WNK1: variants seen among roughly 807,000 people sequenced by gnomAD.
WNK1 encodes serine/threonine-protein kinase WNK1.
A neutral mutation model predicts 222.8 loss-of-function variants in WNK1; 38 were observed. The observed-to-expected ratio is 0.17, with a 90% CI of 0.13 to 0.22. WNK1 has a LOEUF of 0.22. Ranked by LOEUF, WNK1 falls within the 10% of genes least tolerant of loss-of-function variation. WNK1 has a pLI of 1.00. For synonymous variants in WNK1, 1,090 were observed against 1,092.9 expected, an observed-to-expected ratio of 1.00 and a Z score of 0.05; for missense variants, 2,348 against 2,918.4, an observed-to-expected ratio of 0.80 and a Z score of 4.50.
At chr12:805,423 A>G (rs1195950146) in intron 1 of WNK1, among the ~76,000 whole-genome samples, 1 of 152,224 alleles carries the variant, frequency 6.6e-6, no homozygotes, top group African/African-American at 2.4e-5. Flanking sequence ...TTGTTAAAAC[A>G]TTGTATGTGT....
chr12:808,692 G>A (rs1946612458), intron 1 of WNK1, among the ~76,000 whole-genome samples: 1 of 151,372 alleles, frequency 6.6e-6, no homozygotes, highest in African/African-American at 2.4e-5. Context: ...TGGGGATTAA[G>A]TGAAGGGTGC....
At chr12:848,496 CTTTT>C (rs10644583) in intron 4 of WNK1, among the ~76,000 whole-genome samples, 20 of 99,260 alleles carry the variant, frequency 2.0e-4, no homozygotes, top group South Asian at 3.8e-4. Context: ...CCAGTAAAAA[CTTTT>C]TTTTTTTTTT....
chr12:758,107 A>G (rs1201117852), intron 1 of WNK1, among the ~76,000 whole-genome samples: 1 of 146,078 alleles, frequency 6.8e-6, no homozygotes, highest in African/African-American at 2.4e-5. Flanking sequence ...GATTTATTTT[A>G]AGCACCTTCC....
intron 8 of WNK1, chr12:868,049 C>T: frequency 1.2e-6 from 2 of 1,614,016 alleles, no homozygotes; most frequent in Non-Finnish European, 8.5e-7. Context: ...CCACTTCCAA[C>T]CCCTGCTGAG....
chr12:883,278 C>CT (rs1235064665), intron 15 of WNK1, 117 bp from the exon 16 acceptor site: 9 of 1,267,904 alleles, frequency 7.1e-6, no homozygotes, highest in Non-Finnish European at 4.5e-6. Flanking sequence ...GAAGAGCTAA[C>CT]TTGAGTACAA....
rs786205473 is a variant in WNK1 at position 865,122 on chromosome 12, C to T, written c.2139+2852C>T. 3.2e-5 allele frequency: 49 copies of T among 1,519,106 alleles called. No individual in the cohort carries two copies. The highest frequency in any genetic ancestry group is 3.4e-4 in the Middle Eastern group (2 of 5,938). The allele number at this position is 1,519,106 out of a possible 1,614,324, so 94.1% of individuals were successfully genotyped here. ...GTTTTGTGTTGAGCCTCGTCGTGGC[C>T]GTAGCATGTCGGTTTGTGTTCCCAT... On this transcript the variant is annotated intron_variant, in intron 8 of 27. Transcript: ENST00000315939.
Position 911,171 on chromosome 12 carries a change from T to C in WNK1, c.*2379T>C. The C allele has an allele frequency of 2.5e-6, 1 of 397,410 alleles. No homozygotes were observed. The highest frequency in any genetic ancestry group is 4.4e-6 in the Non-Finnish European group (1 of 225,716). 24.6% of individuals were successfully genotyped at this position (397,410 alleles called of 1,614,324 possible). ...GGAATGAACTAGTGCTACTGAACTG[T>C]TTAAATTATTTTTGTGTTAATAGTA... On this transcript the variant is annotated 3_prime_UTR_variant, in exon 28 of 28. Transcript: ENST00000315939.
chr12:845,567 C>A (rs1337195487), intron 4 of WNK1, among the ~76,000 whole-genome samples: 1 of 152,190 alleles, frequency 6.6e-6, no homozygotes, highest in Non-Finnish European at 1.5e-5. Flanking sequence ...GGATCTGCTT[C>A]CTTTCAAATT....
At chr12:756,754 A>G (rs1940100170) in intron 1 of WNK1, among the ~76,000 whole-genome samples, 1 of 152,222 alleles carries the variant, frequency 6.6e-6, no homozygotes. Context: ...TTAAAGGACA[A>G]GCCAAGGGAT....
At chr12:760,052 AGGTATTGATCTTTATGTTACT>A (rs1338556591) in intron 1 of WNK1, among the ~76,000 whole-genome samples, 4 of 147,992 alleles carry the variant, frequency 2.7e-5, no homozygotes, top group African/African-American at 9.7e-5. Flanking sequence ...GGAGGAAAGC[AGGTATTGATCTTTATGTTACT>A]GGTGCTTTTA....
chr12:798,153 T>C (rs1945507416), intron 1 of WNK1, among the ~76,000 whole-genome samples: 1 of 151,994 alleles, frequency 6.6e-6, no homozygotes, highest in African/African-American at 2.4e-5. Flanking sequence ...GGTTTTCCTG[T>C]CATTTCAAAT....
rs564087727 is a variant in WNK1 at position 906,404 on chromosome 12, C to T, written c.6644-1443C>T. On this transcript the variant is annotated intron_variant, in intron 26 of 27. Coordinates refer to ENST00000315939, the MANE Select transcript of WNK1 (RefSeq NM_018979.4). The stretch of plus-strand genomic sequence containing the variant: ...AGAAATAGAGTTCCTTCATCATAAC[C>T]GCAAAGCTTCCTCCTCCCCTTTGCA... The T allele has an allele frequency of 8.6e-5, 85 of 985,288 alleles. No individual in the cohort carries two copies. The South Asian group carries it at 2.1e-3, about 25-fold the overall frequency. The allele number at this position is 985,288 out of a possible 1,614,324, so 61.0% of individuals were successfully genotyped here. A position where few individuals can be genotyped will look rare whatever the true frequency, so the allele number is the denominator to read the frequency against.
intron 1 of WNK1, among the ~76,000 whole-genome samples, chr12:780,943 T>C (rs965079313): frequency 6.6e-6 from 1 of 152,230 alleles, no homozygotes; most frequent in Admixed American, 6.5e-5. Context: ...AGTAGTTTGC[T>C]ATAGACAGAC....
At chr12:851,474 CT>C in intron 4 of WNK1, 2 of 1,146,174 alleles carry the variant, frequency 1.7e-6, no homozygotes, top group African/African-American at 3.2e-5. Flanking sequence ...AGTTTTCCTG[CT>C]GTTGGGCATG....
intron 4 of WNK1, among the ~76,000 whole-genome samples, chr12:830,893 C>T (rs1479933215): frequency 6.6e-6 from 1 of 152,194 alleles, no homozygotes; most frequent in Non-Finnish European, 1.5e-5. Flanking sequence ...TCAAAATAGG[C>T]TCCATCAAGG....
intron 4 of WNK1, among the ~76,000 whole-genome samples, chr12:846,188 A>G (rs1950011936): frequency 6.6e-6 from 1 of 152,176 alleles, no homozygotes; most frequent in African/African-American, 2.4e-5. Flanking sequence ...CTGGTACTGC[A>G]GTTTTGAGCT....
At chr12:820,466 G>T (rs1362109492) in intron 2 of WNK1, among the ~76,000 whole-genome samples, 25 of 89,162 alleles carry the variant, frequency 2.8e-4, no homozygotes, top group Admixed American at 9.3e-4. Context: ...ATTCTTTGGG[G>T]TTTTTTTTTT....
intron 4 of WNK1, among the ~76,000 whole-genome samples, chr12:840,762 G>A (rs940518788): frequency 2.0e-5 from 3 of 152,172 alleles, no homozygotes; most frequent in African/African-American, 4.8e-5. Flanking sequence ...ACTGATCTAC[G>A]AAAGTAGTGG....
At chr12:904,348 T>A in intron 26 of WNK1, 1 of 875,536 alleles carries the variant, frequency 1.1e-6, no homozygotes, top group East Asian at 6.2e-5. Context: ...CTGTCTCACC[T>A]CCTGCTTTCT....
Sources: allele counts gnomAD v4.1 joint callset (sites outside exome capture counted in the v4.1 genomes callset), GRCh38; gene constraint gnomAD v4.1.1; transcripts MANE v1.5; gene names NCBI Gene and HGNC (gene_info 2026-07-23, HGNC 2026-07-21).